Variants in PACS2 observed in about 807,000 individuals in gnomAD.
PACS2 encodes the protein phosphofurin acidic cluster sorting protein 2.
A neutral mutation model predicts 113.0 loss-of-function variants in PACS2; 36 were observed. That is an observed-to-expected ratio of 0.32 (90% CI 0.24 to 0.42). The LOEUF is 0.42. PACS2 is among the 10% of genes least tolerant of loss of function. The pLI, the probability that PACS2 is intolerant of heterozygous loss-of-function variation, is 1.00. For missense variants in PACS2, 1,015 were observed against 1,239.5 expected (o/e 0.82, Z 2.72); for synonymous variants, 589 against 536.1 (o/e 1.10, Z -1.36).
At chr14:105,362,398 CAG>C (rs2060750977) in intron 4 of PACS2, among the ~76,000 whole-genome samples, 2 of 134,022 alleles carry the variant, frequency 1.5e-5, no homozygotes, top group Admixed American at 1.6e-4. Context: ...GCCTGGGCGA[CAG>C]AGCGAGACTC....
intron 1 of PACS2, among the ~76,000 whole-genome samples, chr14:105,338,592 G>T (rs1203227865): frequency 6.6e-6 from 1 of 152,152 alleles, no homozygotes; most frequent in Non-Finnish European, 1.5e-5. Context: ...GAGTGACCCT[G>T]GAGGGAGGTC....
chr14:105,371,394 T>G (rs2061148462), intron 8 of PACS2: 2 of 152,206 alleles, frequency 1.3e-5, no homozygotes, highest in African/African-American at 4.8e-5. Flanking sequence ...TGCATTTCAC[T>G]TACACAGATT....
At chr14:105,361,831 T>G (rs1357978218) in intron 4 of PACS2, among the ~76,000 whole-genome samples, 2 of 151,916 alleles carry the variant, frequency 1.3e-5, no homozygotes, top group Non-Finnish European at 2.9e-5. Context: ...TGCCTGTAAT[T>G]CCAGCTACTC....
chr14:105,391,855 C>T, intron 22 of PACS2, 89 bp downstream of exon 22: 3 of 1,321,990 alleles, frequency 2.3e-6, no homozygotes, highest in East Asian at 2.7e-5. Flanking sequence ...GTCACATCCA[C>T]CTCCCAGGGC....
In PACS2 at chr14:105,315,093, G is replaced by GC; in HGVS notation, c.119+58dup. 1 of 1,038,870 alleles carries GC rather than the reference G, an allele frequency of 9.6e-7. No individual in the cohort carries two copies. The highest frequency in any genetic ancestry group is 1.2e-6 in the Non-Finnish European group (1 of 857,724). The allele number at this position is 1,038,870 out of a possible 1,614,324, so 64.4% of individuals were successfully genotyped here. A position where few individuals can be genotyped will look rare whatever the true frequency, so the allele number is the denominator to read the frequency against. On this transcript the variant is annotated intron_variant, in intron 1 of 24. Coordinates refer to ENST00000447393, the MANE Select transcript of PACS2 (RefSeq NM_001100913.3). The surrounding 1 kb of genome is among the most constrained non-coding windows in gnomAD (Gnocchi z 4.4). ...CCGGGCACCTGCTGGGGGTGTCCTGGCCGCGGCCTCTGCGCGCCCCATCCC... is the reference window on the plus strand; with the variant it reads ...CCGGGCACCTGCTGGGGGTGTCCTGGCCCGCGGCCTCTGCGCGCCCCATCCC...
rs1555411585 is a variant in PACS2, at chr14:105,380,170, C to T, written c.1125+16C>T. ...GGTGGCCCTCGTAAGCAGGCTTGGG[C>T]CGCACCCACCCGTTCCACACATCAG... On this transcript the variant is annotated intron_variant, in intron 11 of 24. Transcript: ENST00000447393. 1.3e-6 allele frequency: 2 copies of T among 1,545,390 alleles called. No individual in the cohort carries two copies. The highest frequency in any genetic ancestry group is 2.4e-5 in the East Asian group (1 of 40,904).
At chr14:105,314,696 GGGGGCGCGC>G (rs1214306992), upstream of PACS2, 1 of 142,658 alleles carries the variant, frequency 7.0e-6, no homozygotes, top group African/African-American at 2.5e-5. Context: ...CGGGGCGGCC[GGGGGCGCGC>G]GGGGCGCGGG....
At position 105,358,392 on chromosome 14, in the gene PACS2, C is replaced by A. The variant is rs1255900609; in HGVS notation, c.423+3215C>A. Among the ~76,000 whole-genome samples, 4 of 152,242 alleles carry A rather than the reference C, an allele frequency of 2.6e-5. No individual in the cohort carries two copies. The highest frequency in any genetic ancestry group is 5.9e-5 in the Non-Finnish European group (4 of 68,032). On this transcript the variant is annotated intron_variant, in intron 4 of 24. Coordinates refer to ENST00000447393, the MANE Select transcript of PACS2 (RefSeq NM_001100913.3). The surrounding 1 kb of genome is among the most constrained non-coding windows in gnomAD (Gnocchi z 4.9). ...TGAGCTGACTGCAGGTGGTCCCTCT[C>A]AGAGGCAGCTCCGCAGAGGCAGGTG...
At chr14:105,380,817 G>A in intron 11 of PACS2, 140 bp from the exon 12 acceptor site, 2 of 777,452 alleles carry the variant, frequency 2.6e-6, no homozygotes, top group Non-Finnish European at 4.0e-6. Context: ...TCCCTGGTCA[G>A]CGTATGGCCG....
chr14:105,375,500 AAAAT>A (rs1566954120), intron 8 of PACS2, among the ~76,000 whole-genome samples: 1 of 151,982 alleles, frequency 6.6e-6, no homozygotes, highest in Non-Finnish European at 1.5e-5. Context: ...AAAAAAAAAA[AAAAT>A]AGGGATCTTT....
At chr14:105,350,414 T>C (rs1555403695) in intron 2 of PACS2, among the ~76,000 whole-genome samples, 1 of 152,134 alleles carries the variant, frequency 6.6e-6, no homozygotes, top group East Asian at 1.9e-4. Flanking sequence ...TCTGCCTGTC[T>C]CTGGTCCTGC....
At chr14:105,325,704 T>C (rs896023529) in intron 1 of PACS2, among the ~76,000 whole-genome samples, 3 of 152,212 alleles carry the variant, frequency 2.0e-5, no homozygotes, top group Admixed American at 6.5e-5. Context: ...ACCAGCACTG[T>C]CCCTTCCCTG....
intron 4 of PACS2, among the ~76,000 whole-genome samples, chr14:105,361,945 A>G (rs1443355310): frequency 1.3e-5 from 2 of 150,704 alleles, no homozygotes; most frequent in African/African-American, 2.5e-5. Flanking sequence ...GTGAGACTTC[A>G]TCTCAAACAA....
chr14:105,395,346 C>G lies in PACS2; in HGVS notation c.*674C>G, dbSNP rs2081502805. The G allele has an allele frequency of 6.6e-6, 1 of 151,950 alleles. No individual in the cohort carries two copies. The highest frequency in any genetic ancestry group is 1.5e-5 in the Non-Finnish European group (1 of 68,066). 9.4% of individuals were successfully genotyped at this position (151,950 alleles called of 1,614,324 possible). A position where few individuals can be genotyped will look rare whatever the true frequency, so the allele number is the denominator to read the frequency against. Reference sequence around the variant, plus strand: ...AGCCCCTGCCCCACCCCGCCTCACACCTTCCCCACTCTCAGGCTGTTCTTG... The same window carrying G: ...AGCCCCTGCCCCACCCCGCCTCACAGCTTCCCCACTCTCAGGCTGTTCTTG... On this transcript the variant is annotated 3_prime_UTR_variant, in exon 25 of 25. Transcript: ENST00000447393.
In PACS2 at chr14:105,361,506, G is replaced by C. The variant is rs2060676721; in HGVS notation, c.424-5707G>C. ...ACAACAATTAGCCAGGTGTGGTAGA[G>C]GACACCTGTAATTCCAGCTACTCAG... On this transcript the variant is annotated intron_variant, in intron 4 of 24. Transcript: ENST00000447393. Among the ~76,000 whole-genome samples, 5 of 152,110 alleles carry C rather than the reference G, an allele frequency of 3.3e-5. No homozygotes were observed. In the South Asian group the frequency reaches 1.0e-3, roughly 32 times the overall value.
intron 4 of PACS2, among the ~76,000 whole-genome samples, chr14:105,360,723 T>C (rs782642577): frequency 2.0e-5 from 3 of 152,132 alleles, no homozygotes; most frequent in African/African-American, 7.2e-5. Flanking sequence ...GTTTCCTGCA[T>C]ACTTGACTCT....
rs782277412 is a variant in PACS2, at chr14:105,381,978, C to T, written c.1333C>T (p.Arg445Trp). ...ATCCTTGAAGGAGCGGCAGGCAGCACGGCCCCAGAATGAGCGGGCCAACAG... is the reference window on the plus strand; with the variant it reads ...ATCCTTGAAGGAGCGGCAGGCAGCATGGCCCCAGAATGAGCGGGCCAACAG... ...STSLKERQAA[R>W]PQNERANSLD... Residue 445 changes from arginine to tryptophan, a missense_variant, in exon 13 of 25, where the codon CGG (arginine) becomes TGG (tryptophan). By Grantham distance (101) the Arg-to-Trp change is moderately radical. This residue lies in a region of PACS2 where 859 missense variants were observed against 1,056.8 expected (regional missense o/e 0.81). Transcript: ENST00000447393. 5.8e-6 allele frequency: 9 copies of T among 1,550,234 alleles called. No individual in the cohort carries two copies. The highest frequency in any genetic ancestry group is 1.4e-5 in the African/African-American group (1 of 73,218).
chr14:105,306,302 T>G (rs1290165932), intron 1 of PACS2, among the ~76,000 whole-genome samples: 7 of 152,024 alleles, frequency 4.6e-5, no homozygotes, highest in African/African-American at 1.7e-4. Flanking sequence ...TTTTGTTTTG[T>G]TTTGTTTTGT....
At chr14:105,350,147 T>C (rs1400874045) in intron 2 of PACS2, among the ~76,000 whole-genome samples, 1 of 152,098 alleles carries the variant, frequency 6.6e-6, no homozygotes, top group African/African-American at 2.4e-5. Context: ...CAGTACCTGC[T>C]GCAGTCTGGC....
Sources: allele counts gnomAD v4.1 joint callset (sites outside exome capture counted in the v4.1 genomes callset), GRCh38; gene constraint gnomAD v4.1.1; regional missense constraint gnomAD v4.1.1; non-coding constraint Gnocchi (gnomAD v3.1); transcripts MANE v1.5; gene names NCBI Gene and HGNC (gene_info 2026-07-23, HGNC 2026-07-21).